Variants in C6orf163 observed in about 807,000 individuals in gnomAD.
C6orf163 encodes chromosome 6 open reading frame 163.
Under a neutral mutation model 28.4 loss-of-function variants are expected in C6orf163, and 22 were observed. The observed-to-expected ratio is 0.78, with a 90% confidence interval of 0.55 to 1.11. C6orf163 has a LOEUF of 1.11. C6orf163 is among the 50% of genes least tolerant of loss of function. The probability of loss-of-function intolerance (pLI) is 0.00; values close to 1 mark genes in which losing one functional copy is unlikely to be tolerated. For missense variants in C6orf163, 342 were observed against 389.1 expected, an observed-to-expected ratio of 0.88 and a Z score of 1.02; for synonymous variants, 110 against 123.6, an observed-to-expected ratio of 0.89 and a Z score of 0.73.
intron 1 of C6orf163, 112 bp downstream of exon 1, chr6:87,345,359 A>C (rs1160001187): frequency 9.4e-7 from 1 of 1,068,834 alleles, no homozygotes; most frequent in African/African-American, 1.6e-5. Context: ...GCTTGTCCCT[A>C]CAGGGATATT....
rs567287051 is a variant in C6orf163 at position 87,349,565 on chromosome 6, TC to T, written c.243+662del. Among the ~76,000 whole-genome samples, 291 of 152,230 alleles carry T rather than the reference TC, an allele frequency of 1.9e-3. 1 individual carries two copies. Among genetic ancestry groups the T allele is most frequent in the Non-Finnish European group, 1.4e-3 (98 of 68,000 alleles). On this transcript the variant is annotated intron_variant, in intron 2 of 4. Transcript: ENST00000388923. ...CAATCATAGAATGACATCAATAACT[TC>T]CCGTAAAAGAATTACAGCTCCTTGA...
At position 87,345,182 on chromosome 6, in the gene C6orf163, C is replaced by T. The variant is rs767117567; in HGVS notation, c.83C>T (p.Thr28Ile). ...ATTCCACCAGCCCCTTTTGGAAAAA[C>T]CTTCAAACGGATCCATGAATACAAG... Reference protein sequence around the residue: ...KIIPPAPFGKTFKRIHEYKPL... With the variant: ...KIIPPAPFGKIFKRIHEYKPL... The change falls in exon 1 of 5, where the codon ACC becomes ATC. Residue 28 changes from threonine to isoleucine, a missense_variant. Transcript: ENST00000388923. 9.1e-6 allele frequency: 14 copies of T among 1,536,718 alleles called. No homozygotes were observed. The highest frequency in any genetic ancestry group is 1.4e-5 in the African/African-American group (1 of 73,032).
chr6:87,347,731 A>G (rs1482681634), intron 1 of C6orf163: 108 of 985,360 alleles, frequency 1.1e-4, no homozygotes, highest in Non-Finnish European at 1.2e-4. Flanking sequence ...AAGGCTTTCA[A>G]TCTGTCCATG....
At chr6:87,347,870 G>A (rs1777351317) in intron 1 of C6orf163, 10 of 985,350 alleles carry the variant, frequency 1.0e-5, no homozygotes, top group Middle Eastern at 1.0e-3. Context: ...AAATCCCAGA[G>A]GAAGACCAGG....
At chr6:87,362,003 G>A (rs1293113684) in intron 4 of C6orf163, among the ~76,000 whole-genome samples, 1 of 152,102 alleles carries the variant, frequency 6.6e-6, no homozygotes, top group Non-Finnish European at 1.5e-5. Flanking sequence ...AGTCTAAAAT[G>A]TTATTTTTAC....
At chr6:87,358,261 A>G (rs1005345354) in intron 4 of C6orf163, 1 of 152,042 alleles carries the variant, frequency 6.6e-6, no homozygotes, top group Non-Finnish European at 1.5e-5. Context: ...GATTGAGGTG[A>G]TTAGATTCTA....
intron 4 of C6orf163, among the ~76,000 whole-genome samples, chr6:87,361,879 T>C (rs1777585216): frequency 6.6e-6 from 1 of 152,182 alleles, no homozygotes; most frequent in African/African-American, 2.4e-5. Flanking sequence ...CCCTCTCTTT[T>C]GTCATTAGTT....
At chr6:87,358,651 C>G (rs1346050195) in intron 4 of C6orf163, 2 of 152,008 alleles carry the variant, frequency 1.3e-5, no homozygotes, top group Non-Finnish European at 2.9e-5. Context: ...TGTTTTCTAG[C>G]CCAAGGCAAG....
chr6:87,355,069 GA>G (rs1777478679), intron 3 of C6orf163, among the ~76,000 whole-genome samples: 1 of 152,298 alleles, frequency 6.6e-6, no homozygotes, highest in African/African-American at 2.4e-5. Flanking sequence ...GAAAAAGAAA[GA>G]AAACCCAGTG....
In C6orf163 at chr6:87,365,153, TATG is replaced by T; in HGVS notation, c.751_753del (p.Met251del). 6.4e-7 allele frequency: 1 copy of T among 1,551,880 alleles called. No individual in the cohort carries two copies. The highest frequency in any genetic ancestry group is 8.7e-7 in the Non-Finnish European group (1 of 1,147,022). On this transcript the variant is annotated inframe_deletion, in exon 5 of 5. Coordinates refer to ENST00000388923, the MANE Select transcript of C6orf163 (RefSeq NM_001010868.3). ...AAACACATCAGGCCACTCTTGGCAA[TATG>T]ATGGATAAACTGGCTAACACCCAGG...
intron 2 of C6orf163, 142 bp downstream of exon 2, chr6:87,349,048 C>T: frequency 1.9e-6 from 2 of 1,044,118 alleles, no homozygotes; most frequent in South Asian, 3.7e-5. Context: ...GTTCTACAAC[C>T]TCTGTAGTCT....
intron 4 of C6orf163, among the ~76,000 whole-genome samples, chr6:87,360,568 T>G (rs551524263): frequency 6.6e-6 from 1 of 152,006 alleles, no homozygotes; most frequent in Non-Finnish European, 1.5e-5. Flanking sequence ...GCCCAGCTAA[T>G]TTTTGTATTT....
Position 87,351,790 on chromosome 6 carries a change from C to G in C6orf163, c.351+1289C>G, listed in dbSNP as rs571048525. On this transcript the variant is annotated intron_variant, in intron 3 of 4. Coordinates refer to ENST00000388923, the MANE Select transcript of C6orf163 (RefSeq NM_001010868.3). ...TCCCCAGCAGACTCCTGGACCTCTC[C>G]CAATCCAGCAATTTAAAAGGATAAC... 2.6e-5 allele frequency among the ~76,000 whole-genome samples: 4 copies of G among 152,140 alleles called. No individual in the cohort carries two copies. The South Asian group carries it at 8.3e-4, about 31-fold the overall frequency.
intron 4 of C6orf163, among the ~76,000 whole-genome samples, chr6:87,362,539 A>C (rs892877658): frequency 6.6e-6 from 1 of 152,238 alleles, no homozygotes; most frequent in Non-Finnish European, 1.5e-5. Context: ...GATATCGTGC[A>C]TGTAAAATGC....
chr6:87,361,217 A>G (rs537777514), intron 4 of C6orf163, among the ~76,000 whole-genome samples: 29 of 152,256 alleles, frequency 1.9e-4, no homozygotes, highest in Middle Eastern at 3.4e-3. Context: ...CCCAGGAGGC[A>G]GAGTTTGCAT....
intron 4 of C6orf163, among the ~76,000 whole-genome samples, chr6:87,362,012 A>G (rs1175840384): frequency 6.6e-6 from 1 of 152,168 alleles, no homozygotes; most frequent in Non-Finnish European, 1.5e-5. Context: ...TGTTATTTTT[A>G]CTGTGCTACC....
Position 87,365,429 on chromosome 6 carries a change from A to G in C6orf163, c.*33A>G, listed in dbSNP as rs1777631629. On this transcript the variant is annotated 3_prime_UTR_variant, in exon 5 of 5. Coordinates refer to ENST00000388923, the MANE Select transcript of C6orf163 (RefSeq NM_001010868.3). ...CAGTTGAAATTCCACTACAAAAGAC[A>G]TCATTCCAGACTAAATAAATTTACT... 7.7e-7 allele frequency: 1 copy of G among 1,299,046 alleles called. No homozygotes were observed. Among genetic ancestry groups the G allele is most frequent in the African/African-American group, 1.5e-5 (1 of 66,772 alleles). The allele number at this position is 1,299,046 out of a possible 1,614,324, so 80.5% of individuals were successfully genotyped here. A position where few individuals can be genotyped will look rare whatever the true frequency, so the allele number is the denominator to read the frequency against.
chr6:87,354,326 A>T (rs1777465140), intron 3 of C6orf163, among the ~76,000 whole-genome samples: 1 of 152,248 alleles, frequency 6.6e-6, no homozygotes, highest in Admixed American at 6.5e-5. Context: ...CAAAGAGCAA[A>T]GATTAAATTT....
At chr6:87,356,202 G>C in intron 3 of C6orf163, 99 bp from the exon 4 acceptor site, 2 of 948,138 alleles carry the variant, frequency 2.1e-6, no homozygotes, top group South Asian at 3.1e-5. Flanking sequence ...AGGTACACTT[G>C]CTAGCAGATA....
Sources: gnomAD v4.1 joint callset for allele counts (sites outside exome capture counted in the v4.1 genomes callset) on GRCh38, gnomAD v4.1.1 for gene constraint, MANE v1.5 for transcripts, NCBI Gene and HGNC (gene_info 2026-07-23, HGNC 2026-07-21) for gene names.